Variants in CACNA1C observed in about 807,000 individuals in gnomAD.
The protein encoded by CACNA1C is calcium voltage-gated channel subunit alpha1 C.
CACNA1C carries 30 observed loss-of-function variants against 229.0 expected under a neutral mutation model. The observed-to-expected ratio is 0.13, with a 90% CI of 0.10 to 0.18. CACNA1C has a LOEUF of 0.18. Among genes scored for constraint, CACNA1C ranks in the 10% least tolerant of loss-of-function variants. The pLI is 1.00. For synonymous variants in CACNA1C, 1,114 were observed against 1,132.5 expected (o/e 0.98, Z 0.33); for missense variants, 1,658 against 2,845.0 (o/e 0.58, Z 9.49).
intron 1 of CACNA1C, chr12:1,993,231 G>C: frequency 1.2e-6 from 2 of 1,614,028 alleles, no homozygotes; most frequent in Non-Finnish European, 1.7e-6. Flanking sequence ...AACTTCAGAA[G>C]TAAAACAACC....
chr12:2,312,339 G>A (rs2095482465), intron 3 of CACNA1C, among the ~76,000 whole-genome samples: 1 of 152,156 alleles, frequency 6.6e-6, no homozygotes, highest in African/African-American at 2.4e-5. Context: ...CAGGCGTGCG[G>A]GTGTGCACAT....
chr12:2,225,877 G>C (rs1330159867), intron 3 of CACNA1C, among the ~76,000 whole-genome samples: 1 of 152,138 alleles, frequency 6.6e-6, no homozygotes, highest in Non-Finnish European at 1.5e-5. Flanking sequence ...CCCAGAGAGT[G>C]AGGACGCCAT....
chr12:2,641,749 T>C, intron 30 of CACNA1C: 1 of 702,560 alleles, frequency 1.4e-6, no homozygotes, highest in Non-Finnish European at 2.6e-6. Context: ...GGAATGTTTA[T>C]TGTATCTCAG....
intron 1 of CACNA1C, among the ~76,000 whole-genome samples, chr12:2,021,440 G>T (rs545814165): frequency 6.6e-6 from 1 of 152,038 alleles, no homozygotes; most frequent in African/African-American, 2.4e-5. Flanking sequence ...GCACTTTGGG[G>T]GGCTGAGGTG....
At chr12:2,558,429 AC>A (rs1297704736) in intron 11 of CACNA1C, among the ~76,000 whole-genome samples, 8 of 152,026 alleles carry the variant, frequency 5.3e-5, no homozygotes, top group Non-Finnish European at 1.0e-4. Context: ...CTGCTCTCTG[AC>A]CCTTGAGTTC....
intron 13 of CACNA1C, among the ~76,000 whole-genome samples, chr12:2,580,501 G>A (rs1342492236): frequency 6.6e-6 from 1 of 152,222 alleles, no homozygotes; most frequent in Admixed American, 6.5e-5. Context: ...GTGGGCCAGA[G>A]GGGGCCAGAG....
chr12:2,440,985 C>A (rs942836203), intron 3 of CACNA1C, among the ~76,000 whole-genome samples: 2 of 152,306 alleles, frequency 1.3e-5, no homozygotes, highest in East Asian at 3.9e-4. Context: ...ATCTCTCAGA[C>A]AGAGAATAGG....
chr12:2,310,707 C>G (rs538024736), intron 3 of CACNA1C, among the ~76,000 whole-genome samples: 1 of 152,326 alleles, frequency 6.6e-6, no homozygotes, highest in African/African-American at 2.4e-5. Flanking sequence ...TTTCGACTCA[C>G]AGGGTTCTTT....
intron 3 of CACNA1C, among the ~76,000 whole-genome samples, chr12:2,234,577 G>A (rs1395157370): frequency 6.6e-6 from 1 of 152,208 alleles, no homozygotes; most frequent in Non-Finnish European, 1.5e-5. Flanking sequence ...TGAGCCTGGT[G>A]TAGGGCCAGG....
chr12:2,552,879 G>A (rs2042077635), intron 10 of CACNA1C, among the ~76,000 whole-genome samples: 1 of 152,186 alleles, frequency 6.6e-6, no homozygotes. Context: ...AGTGTGGGAA[G>A]CGCTGGCCTT....
intron 10 of CACNA1C, among the ~76,000 whole-genome samples, chr12:2,552,897 A>G (rs7304997): frequency 0.048 from 7,272 of 152,242 alleles, 219 homozygotes; most frequent in African/African-American, 0.081. Flanking sequence ...CTTCATTGTA[A>G]TAAAGGCAAG....
intron 3 of CACNA1C, among the ~76,000 whole-genome samples, chr12:2,328,896 G>A (rs1238839031): frequency 6.6e-6 from 1 of 152,190 alleles, no homozygotes; most frequent in Non-Finnish European, 1.5e-5. Flanking sequence ...AATGACTAAG[G>A]AGCAATGCGG....
chr12:2,320,497 G>A (rs1020394844), intron 3 of CACNA1C, among the ~76,000 whole-genome samples: 3 of 152,228 alleles, frequency 2.0e-5, no homozygotes, highest in Non-Finnish European at 2.9e-5. Context: ...TTAGCAGAAT[G>A]TACACGTGAT....
chr12:2,019,156 CTG>C (rs1477427579), intron 1 of CACNA1C, among the ~76,000 whole-genome samples: 1 of 152,146 alleles, frequency 6.6e-6, no homozygotes, highest in Admixed American at 6.5e-5. Context: ...TTGGAGCTGA[CTG>C]AGGATTAGAA....
chr12:2,293,906 T>A (rs2093753637), intron 3 of CACNA1C, among the ~76,000 whole-genome samples: 2 of 151,578 alleles, frequency 1.3e-5, no homozygotes, highest in South Asian at 4.2e-4. Flanking sequence ...CACTATAATT[T>A]ATCATTTTTT....
rs751293747 is a variant in CACNA1C at position 2,579,134 on chromosome 12, T to G, written c.1896-2456T>G. Among the ~76,000 whole-genome samples, 21 of 152,234 alleles carry G rather than the reference T, an allele frequency of 1.4e-4. 1 individual carries two copies. Among genetic ancestry groups the G allele is most frequent in the Admixed American group, 1.3e-4 (2 of 15,306 alleles). ...GCCCTCTCCCTCTGCAGCCATGACC[T>G]GCTTGTCAGGCTCCCGTTGGTCCCC... is the stretch of plus-strand genomic sequence containing the variant. On this transcript the variant is annotated intron_variant, in intron 13 of 46. Transcript: ENST00000399655.
chr12:2,258,863 GAGA>G (rs1361159361), intron 3 of CACNA1C, among the ~76,000 whole-genome samples: 5 of 152,310 alleles, frequency 3.3e-5, no homozygotes, highest in South Asian at 4.2e-4. Flanking sequence ...GTTTTCAGGA[GAGA>G]AGAAGGCACA....
chr12:2,415,858 C>A (rs1232916589), intron 3 of CACNA1C, among the ~76,000 whole-genome samples: 1 of 152,186 alleles, frequency 6.6e-6, no homozygotes, highest in Admixed American at 6.5e-5. Flanking sequence ...CCTGCCCTTT[C>A]CCTGGCCAGC....
chr12:2,302,448 G>A (rs1453302501), intron 3 of CACNA1C, among the ~76,000 whole-genome samples: 3 of 151,896 alleles, frequency 2.0e-5, no homozygotes, highest in African/African-American at 4.8e-5. Flanking sequence ...CCCTTGCCTC[G>A]TCCATACTGC....
Sources: allele counts gnomAD v4.1 joint callset (sites outside exome capture counted in the v4.1 genomes callset), GRCh38; gene constraint gnomAD v4.1.1; transcripts MANE v1.5; gene names NCBI Gene and HGNC (gene_info 2026-07-23, HGNC 2026-07-21).